Variants in NBPF15 observed in about 807,000 individuals in gnomAD.
NBPF15 encodes the protein NBPF member 15.
In NBPF15, 74 loss-of-function variants were observed where a neutral mutation model predicts 62.2. The ratio of observed to expected loss-of-function variants is 1.19; its 90% CI spans 0.99 to 1.44. The LOEUF is 1.44. Among genes scored for constraint, NBPF15 ranks in the 40% most tolerant of loss-of-function variants. The pLI is 0.00. For synonymous variants in NBPF15, 244 were observed against 209.7 expected (o/e 1.16, Z -1.41); for missense variants, 790 against 550.0 (o/e 1.44, Z -4.36).
intron 15 of NBPF15, 44 bp from the exon 16 acceptor site, chr1:144,428,034 G>A: frequency 2.6e-6 from 2 of 775,394 alleles, no homozygotes; most frequent in East Asian, 4.9e-5. Context: ...GGGGGAATCA[G>A]AAACCACACA....
At chr1:144,450,398 G>A (rs1399404677) in intron 5 of NBPF15, among the ~76,000 whole-genome samples, 2 of 151,928 alleles carry the variant, frequency 1.3e-5, no homozygotes, top group African/African-American at 2.4e-5. Context: ...TCTGGAGTCA[G>A]AGTGTCTCCC....
chr1:144,422,921 G>C lies in NBPF15; in HGVS notation c.*92C>G. 6.2e-7 allele frequency: 1 copy of C among 1,610,788 alleles called. No individual in the cohort carries two copies. The highest frequency in any genetic ancestry group is 1.1e-5 in the South Asian group (1 of 90,790). On this transcript the variant is annotated 3_prime_UTR_variant, in exon 22 of 22. Coordinates refer to ENST00000581897, the MANE Select transcript of NBPF15 (RefSeq NM_001385408.1). ...GCTCACTGACCCATCCTATGTCTGG[G>C]CTTCCAAATGGAACTGTACTTTCAT...
intron 15 of NBPF15, 88 bp downstream of exon 15, chr1:144,428,518 C>G: frequency 1.3e-6 from 1 of 766,532 alleles, no homozygotes; most frequent in Admixed American, 1.8e-5. Context: ...AAGACAAAAT[C>G]ATTATTTTCA....
chr1:144,428,085 A>C, intron 15 of NBPF15, 95 bp from the exon 16 acceptor site: 1 of 748,900 alleles, frequency 1.3e-6, no homozygotes, highest in Non-Finnish European at 2.5e-6. Flanking sequence ...GAAGAGTTTG[A>C]AAAGAAAAAG....
intron 20 of NBPF15, among the ~76,000 whole-genome samples, chr1:144,424,348 G>A (rs1668033807): frequency 1.3e-5 from 2 of 151,486 alleles, no homozygotes; most frequent in South Asian, 4.2e-4. Flanking sequence ...TGGTTGTGAG[G>A]ACTTTAGACA....
chr1:144,444,915 T>C (rs1239486773), intron 6 of NBPF15, among the ~76,000 whole-genome samples: 1 of 151,948 alleles, frequency 6.6e-6, no homozygotes, highest in Non-Finnish European at 1.5e-5. Flanking sequence ...GTCTATCTGA[T>C]TTGTGTTATG....
At chr1:144,444,674 G>C (rs1685965663) in intron 6 of NBPF15, among the ~76,000 whole-genome samples, 2 of 151,898 alleles carry the variant, frequency 1.3e-5, no homozygotes, top group Non-Finnish European at 2.9e-5. Flanking sequence ...ATATAGCTTA[G>C]AAGGTACATT....
At position 144,426,470 on chromosome 1, in the gene NBPF15, T is replaced by A; in HGVS notation, c.1266-20A>T. 1.2e-6 allele frequency: 1 copy of A among 816,004 alleles called. No homozygotes were observed. The highest frequency in any genetic ancestry group is 1.3e-5 in the South Asian group (1 of 74,834). The allele number at this position is 816,004 out of a possible 1,614,324, so 50.5% of individuals were successfully genotyped here. A position where few individuals can be genotyped will look rare whatever the true frequency, so the allele number is the denominator to read the frequency against. On this transcript the variant is annotated intron_variant, in intron 17 of 21. Transcript: ENST00000581897. The stretch of plus-strand genomic sequence containing the variant: ...CTGAGCCTGGAAAAGTAGGAAAAAG[T>A]AAAGAATAAGCCAGGGAGAATCAGA...
chr1:144,445,789 A>C (rs1553543886), intron 6 of NBPF15, among the ~76,000 whole-genome samples: 1 of 147,214 alleles, frequency 6.8e-6, no homozygotes, highest in Admixed American at 6.8e-5. Flanking sequence ...TTCTTTCATA[A>C]TTTCTCAAAG....
At chr1:144,424,193 C>A (rs1490296940) in intron 20 of NBPF15, among the ~76,000 whole-genome samples, 4 of 151,966 alleles carry the variant, frequency 2.6e-5, no homozygotes, top group Admixed American at 6.6e-5. Context: ...TCTAGTAGAT[C>A]GTTATCCCAA....
At chr1:144,457,669 C>G (rs1175905491) in intron 3 of NBPF15, among the ~76,000 whole-genome samples, 16 of 151,814 alleles carry the variant, frequency 1.1e-4, no homozygotes, top group Admixed American at 9.8e-4. Context: ...TTTCCAGGAG[C>G]TTATGTTGAA....
chr1:144,459,521 A>G (rs1361815881), intron 2 of NBPF15, 38 bp from the exon 3 acceptor site: 1 of 151,464 alleles, frequency 6.6e-6, no homozygotes, highest in Non-Finnish European at 1.5e-5. Flanking sequence ...GAGAATCTCC[A>G]TTCATGAATA....
chr1:144,422,991 C>A lies in NBPF15; in HGVS notation c.*22G>T, dbSNP rs1666741735. 3.1e-6 allele frequency: 5 copies of A among 1,611,658 alleles called. No individual in the cohort carries two copies. In the African/African-American group the frequency reaches 4.0e-5, roughly 13 times the overall value. ...TAGGTCCTGCCTGCAGGAATGACAT[C>A]TCTCGGCTTAGTAAGAGCTGCTTAT... On this transcript the variant is annotated 3_prime_UTR_variant, in exon 22 of 22. Coordinates refer to ENST00000581897, the MANE Select transcript of NBPF15 (RefSeq NM_001385408.1).
At chr1:144,426,570 T>C (rs1669814132) in intron 17 of NBPF15, 120 bp from the exon 18 acceptor site, 1 of 718,356 alleles carries the variant, frequency 1.4e-6, no homozygotes, top group African/African-American at 1.7e-5. Context: ...GATCCATTAA[T>C]GAGGTAATGA....
intron 20 of NBPF15, among the ~76,000 whole-genome samples, chr1:144,424,411 T>C (rs1431962966): frequency 1.9e-4 from 29 of 148,914 alleles, no homozygotes; most frequent in African/African-American, 6.7e-4. Context: ...AAAATCATAG[T>C]TCTCTGAATT....
At chr1:144,448,310 C>T (rs587773796) in intron 6 of NBPF15, among the ~76,000 whole-genome samples, 34 of 152,100 alleles carry the variant, frequency 2.2e-4, no homozygotes, top group African/African-American at 7.2e-4. Context: ...TATCCTAAGG[C>T]GTCCAGTTGA....
At position 144,437,002 on chromosome 1, in the gene NBPF15, G is replaced by A. The variant is rs1553541410; in HGVS notation, c.386C>T (p.Ala129Val). 6.9e-7 allele frequency: 1 copy of A among 1,450,358 alleles called. No individual in the cohort carries two copies. Among genetic ancestry groups the A allele is most frequent in the East Asian group, 2.3e-5 (1 of 43,908 alleles). The allele number at this position is 1,450,358 out of a possible 1,614,324, so 89.8% of individuals were successfully genotyped here. A position where few individuals can be genotyped will look rare whatever the true frequency, so the allele number is the denominator to read the frequency against. Residue 129 changes from alanine to valine, a missense_variant, in exon 10 of 22, where the codon GCC becomes GTC. Physicochemically the swap from Ala to Val is moderately conservative, Grantham distance 64. Coordinates refer to ENST00000581897, the MANE Select transcript of NBPF15 (RefSeq NM_001385408.1). Reference sequence around the variant, plus strand: ...GTCCGGCTCATCCGGAGTGAGGAGGGCCTGGAGATGCTCATTCAATGAGCG... The same window carrying A: ...GTCCGGCTCATCCGGAGTGAGGAGGACCTGGAGATGCTCATTCAATGAGCG... ...ASRSLNEHLQ[A>V]LLTPDEPDKS...
At chr1:144,442,761 T>G (rs1297316551) in intron 6 of NBPF15, 2 of 201,824 alleles carry the variant, frequency 9.9e-6, no homozygotes, top group East Asian at 2.4e-4. Flanking sequence ...GGTCAAACTT[T>G]GTCATGAATG....
intron 6 of NBPF15, among the ~76,000 whole-genome samples, chr1:144,447,150 C>T (rs1477385877): frequency 1.3e-5 from 2 of 152,418 alleles, no homozygotes; most frequent in East Asian, 1.9e-4. Flanking sequence ...GTTGTTCTGA[C>T]AGCAGGGAGG....
Sources: allele counts gnomAD v4.1 joint callset (sites outside exome capture counted in the v4.1 genomes callset), GRCh38; gene constraint gnomAD v4.1.1; transcripts MANE v1.5; gene names NCBI Gene and HGNC (gene_info 2026-07-23, HGNC 2026-07-21).